DGLUCY: variants seen among roughly 807,000 people sequenced by gnomAD.
DGLUCY encodes the protein D-glutamate cyclase.
Under a neutral mutation model 58.5 loss-of-function variants are expected in DGLUCY, and 58 were observed. The observed-to-expected ratio is 0.99, with a 90% confidence interval of 0.80 to 1.23. The LOEUF is 1.23. DGLUCY is among the 50% of genes most tolerant of loss of function. DGLUCY has a pLI of 0.00. For missense variants in DGLUCY, 779 were observed against 784.7 expected (o/e 0.99, Z 0.09); for synonymous variants, 325 against 314.1 (o/e 1.03, Z -0.37).
chr14:91,117,421 G>C lies in DGLUCY; in HGVS notation c.-82+3138G>C, dbSNP rs141317731. On this transcript the variant is annotated intron_variant, in intron 1 of 13. Coordinates refer to ENST00000256324, the MANE Select transcript of DGLUCY (RefSeq NM_001102368.3). ...CTTATTTTACCCAGCCCCTGTTCGAGATGGAGTGGCTCTGGTTTGAAAGCC... is the reference window on the plus strand; with the variant it reads ...CTTATTTTACCCAGCCCCTGTTCGACATGGAGTGGCTCTGGTTTGAAAGCC... Among the ~76,000 whole-genome samples, 408 of 152,266 alleles carry C rather than the reference G, an allele frequency of 2.7e-3. 2 individuals carry two copies. The highest frequency in any genetic ancestry group is 4.5e-3 in the Non-Finnish European group (305 of 68,022).
chr14:91,212,601 C>A (rs1322661896), intron 12 of DGLUCY, among the ~76,000 whole-genome samples: 1 of 152,180 alleles, frequency 6.6e-6, no homozygotes, highest in African/African-American at 2.4e-5. Flanking sequence ...CTTTGGGAAG[C>A]CAAGGCAGGA....
intron 1 of DGLUCY, among the ~76,000 whole-genome samples, chr14:91,119,994 T>G (rs888550901): frequency 1.3e-5 from 2 of 152,220 alleles, no homozygotes; most frequent in African/African-American, 4.8e-5. Flanking sequence ...GCTGCATTGT[T>G]GGCTTCCCTA....
At chr14:91,163,792 T>C (rs1453954798) in intron 3 of DGLUCY, among the ~76,000 whole-genome samples, 1 of 152,164 alleles carries the variant, frequency 6.6e-6, no homozygotes, top group Non-Finnish European at 1.5e-5. Context: ...CTATAAAATA[T>C]AATTACTTGT....
chr14:91,192,194 C>T lies in DGLUCY; in HGVS notation c.1195+3024C>T, dbSNP rs533642805. The stretch of plus-strand genomic sequence containing the variant: ...TCAGCCTTAAAAAGGCAGGAAGTTC[C>T]GACACATGCTACAACATGGATGACC... On this transcript the variant is annotated intron_variant, in intron 9 of 13. Transcript: ENST00000256324. Among the ~76,000 whole-genome samples, 11 of 152,202 alleles carry T rather than the reference C, an allele frequency of 7.2e-5. No homozygotes were observed. In the South Asian group the frequency reaches 8.3e-4, roughly 11 times the overall value.
At chr14:91,173,828 C>G (rs567439913) in intron 6 of DGLUCY, 1 of 155,076 alleles carries the variant, frequency 6.4e-6, no homozygotes, top group Admixed American at 6.4e-5. Flanking sequence ...GGGTTTTTAC[C>G]GAGGCTTAAT....
intron 1 of DGLUCY, among the ~76,000 whole-genome samples, chr14:91,154,534 A>G (rs952764528): frequency 2.0e-5 from 3 of 152,240 alleles, no homozygotes; most frequent in Non-Finnish European, 4.4e-5. Flanking sequence ...GTTGAAGCCC[A>G]CAAGGAATTC....
chr14:91,118,081 C>A (rs866663221), intron 1 of DGLUCY, among the ~76,000 whole-genome samples: 1,751 of 101,866 alleles, frequency 0.017, 15 homozygotes, highest in Non-Finnish European at 0.026. Flanking sequence ...CCCCGCCCCC[C>A]CCCCCCCTTT....
intron 3 of DGLUCY, 84 bp from the exon 4 acceptor site, chr14:91,167,139 CAA>C (rs369936973): frequency 5.7e-3 from 6,589 of 1,164,924 alleles, no homozygotes; most frequent in East Asian, 8.7e-3. Flanking sequence ...AACTCCGCCT[CAA>C]AAAAAAAAAA....
chr14:91,102,171 C>T (rs112028141), intron 1 of DGLUCY, among the ~76,000 whole-genome samples: 14 of 152,002 alleles, frequency 9.2e-5, no homozygotes, highest in African/African-American at 2.9e-4. Context: ...AAATTAAAAA[C>T]CATAAAAATA....
intron 1 of DGLUCY, among the ~76,000 whole-genome samples, chr14:91,121,549 TGTG>T (rs923404672): frequency 6.6e-6 from 1 of 151,196 alleles, no homozygotes; most frequent in African/African-American, 2.4e-5. Context: ...ATTAGCCAGA[TGTG>T]GTGGCGATCG....
chr14:91,207,948 A>C (rs1028168584), intron 12 of DGLUCY, among the ~76,000 whole-genome samples: 1 of 152,030 alleles, frequency 6.6e-6, no homozygotes, highest in Non-Finnish European at 1.5e-5. Context: ...GAGTTTCTCC[A>C]TGTTGGTCAG....
chr14:91,173,813 C>G (rs547416421), intron 6 of DGLUCY: 17 of 160,710 alleles, frequency 1.1e-4, no homozygotes, highest in African/African-American at 3.6e-4. Context: ...ATATCACATC[C>G]TTTTGGGTTT....
At chr14:91,123,168 G>C (rs1425416845) in intron 1 of DGLUCY, among the ~76,000 whole-genome samples, 1 of 152,162 alleles carries the variant, frequency 6.6e-6, no homozygotes, top group Admixed American at 6.6e-5. Flanking sequence ...TGAGTACCTG[G>C]ATCATCACAG....
chr14:91,195,781 C>T (rs1325701205), intron 9 of DGLUCY, among the ~76,000 whole-genome samples: 1 of 151,074 alleles, frequency 6.6e-6, no homozygotes, highest in African/African-American at 2.4e-5. Context: ...AGCAATTCTC[C>T]TGCCTCAGCC....
intron 1 of DGLUCY, among the ~76,000 whole-genome samples, chr14:91,086,665 G>GTATCCCT (rs1047649836): frequency 1.3e-5 from 2 of 152,128 alleles, no homozygotes; most frequent in African/African-American, 2.4e-5. Context: ...AGGGCTGACT[G>GTATCCCT]TATTTTATAC....
chr14:91,180,265 G>GA (rs1362631642), intron 7 of DGLUCY, among the ~76,000 whole-genome samples: 1 of 151,680 alleles, frequency 6.6e-6, no homozygotes, highest in African/African-American at 2.4e-5. Flanking sequence ...TACAGTCAAA[G>GA]AAACAGGTTT....
chr14:91,208,200 C>A (rs1885078584), intron 12 of DGLUCY, among the ~76,000 whole-genome samples: 1 of 152,080 alleles, frequency 6.6e-6, no homozygotes, highest in Non-Finnish European at 1.5e-5. Context: ...CCACAACTGC[C>A]TTGCAAGAAA....
chr14:91,131,375 G>T (rs898094378), intron 1 of DGLUCY, among the ~76,000 whole-genome samples: 24 of 93,610 alleles, frequency 2.6e-4, no homozygotes, highest in African/African-American at 9.9e-4. Flanking sequence ...TTCCCAACTT[G>T]AGATATTCTC....
At chr14:91,130,892 T>C (rs984048583) in intron 1 of DGLUCY, among the ~76,000 whole-genome samples, 2 of 152,184 alleles carry the variant, frequency 1.3e-5, no homozygotes, top group African/African-American at 4.8e-5. Flanking sequence ...GTCTTTTTCT[T>C]ATTGATTAAT....
Sources: gnomAD v4.1 joint callset for allele counts (sites outside exome capture counted in the v4.1 genomes callset) on GRCh38, gnomAD v4.1.1 for gene constraint, MANE v1.5 for transcripts, NCBI Gene and HGNC (gene_info 2026-07-23, HGNC 2026-07-21) for gene names.